The following ENTHD1 variants were observed in gnomAD, a reference collection of about 807,000 sequenced individuals.
The protein encoded by ENTHD1 is ENTH domain containing 1.
ENTHD1 carries 23 observed loss-of-function variants against 39.1 expected under a neutral mutation model. The observed-to-expected ratio is 0.59, with a 90% CI of 0.42 to 0.83. The LOEUF (loss-of-function observed/expected upper bound fraction) is 0.83. ENTHD1 is among the 40% of genes least tolerant of loss of function. ENTHD1 has a pLI of 0.00. For missense variants in ENTHD1, 624 were observed against 705.4 expected, an observed-to-expected ratio of 0.88 and a Z score of 1.31; for synonymous variants, 230 against 258.2, an observed-to-expected ratio of 0.89 and a Z score of 1.05.
chr22:39,812,900 A>G (rs1425417787), intron 5 of ENTHD1, among the ~76,000 whole-genome samples: 1 of 152,146 alleles, frequency 6.6e-6, no homozygotes, highest in Non-Finnish European at 1.5e-5. Context: ...CTCCCACCTC[A>G]GTCTCCCGAG....
At chr22:39,863,294 T>C (rs932577446) in intron 2 of ENTHD1, among the ~76,000 whole-genome samples, 22 of 152,036 alleles carry the variant, frequency 1.4e-4, no homozygotes, top group Admixed American at 1.0e-3. Flanking sequence ...ACAGTTGGGG[T>C]GGGACAAGAA....
At chr22:39,864,184 A>G (rs1483571004) in intron 2 of ENTHD1, among the ~76,000 whole-genome samples, 1 of 152,204 alleles carries the variant, frequency 6.6e-6, no homozygotes, top group African/African-American at 2.4e-5. Flanking sequence ...GGAGGCACAA[A>G]GAACATGTTT....
intron 6 of ENTHD1, among the ~76,000 whole-genome samples, chr22:39,748,769 A>C (rs2065126815): frequency 6.6e-6 from 1 of 152,124 alleles, no homozygotes; most frequent in South Asian, 2.1e-4. Context: ...GGTTAGTCAC[A>C]TATATATGCT....
intron 6 of ENTHD1, among the ~76,000 whole-genome samples, chr22:39,747,860 C>T (rs1247369362): frequency 6.6e-6 from 1 of 152,038 alleles, no homozygotes; most frequent in Non-Finnish European, 1.5e-5. Context: ...GTGAGTGATG[C>T]TCAGAGCTCA....
At chr22:39,837,086 C>A (rs2065912415) in intron 3 of ENTHD1, among the ~76,000 whole-genome samples, 1 of 152,150 alleles carries the variant, frequency 6.6e-6, no homozygotes, top group African/African-American at 2.4e-5. Context: ...TAGTCCTAAT[C>A]TTTCCCTTGC....
intron 4 of ENTHD1, among the ~76,000 whole-genome samples, chr22:39,834,068 G>A (rs2065890912): frequency 6.6e-6 from 1 of 151,904 alleles, no homozygotes; most frequent in Non-Finnish European, 1.5e-5. Flanking sequence ...GAAAACCTGT[G>A]TGACATTGTT....
At chr22:39,787,515 T>C (rs901898241) in intron 5 of ENTHD1, among the ~76,000 whole-genome samples, 21 of 152,150 alleles carry the variant, frequency 1.4e-4, no homozygotes, top group African/African-American at 4.8e-4. Flanking sequence ...CCCGAAGGAA[T>C]TAAAAGTGCT....
At chr22:39,821,261 G>T in intron 4 of ENTHD1, 148 bp from the exon 5 acceptor site, 1 of 1,054,456 alleles carries the variant, frequency 9.5e-7, no homozygotes, top group Non-Finnish European at 1.3e-6. Flanking sequence ...TCTATCACTT[G>T]GCTGTCTACT....
At chr22:39,757,694 A>T (rs969406426) in intron 6 of ENTHD1, among the ~76,000 whole-genome samples, 2 of 151,946 alleles carry the variant, frequency 1.3e-5, no homozygotes, top group Non-Finnish European at 2.9e-5. Context: ...AAAATTTAAA[A>T]ATTTTAAAAT....
chr22:39,758,451 G>A (rs1343887948), intron 6 of ENTHD1, among the ~76,000 whole-genome samples: 2 of 152,160 alleles, frequency 1.3e-5, no homozygotes, highest in African/African-American at 2.4e-5. Context: ...GGAGATGGGT[G>A]TCTTGCTCTG....
intron 1 of ENTHD1, chr22:39,893,192 C>T (rs2066441743): frequency 6.6e-6 from 1 of 152,184 alleles, no homozygotes; most frequent in South Asian, 2.1e-4. Context: ...TTAACAACTT[C>T]TCTAAGTCTC....
intron 5 of ENTHD1, among the ~76,000 whole-genome samples, chr22:39,810,444 C>T (rs909185881): frequency 1.3e-5 from 2 of 152,154 alleles, no homozygotes; most frequent in African/African-American, 4.8e-5. Context: ...GCTTAGTAAC[C>T]TGCAAAATTC....
rs372938088 is a variant in ENTHD1 at position 39,788,760 on chromosome 22, G to GC, written c.833-23152dup. Among the ~76,000 whole-genome samples, 309 of 152,016 alleles carry GC rather than the reference G, an allele frequency of 2.0e-3. 2 individuals carry two copies. The highest frequency in any genetic ancestry group is 7.0e-3 in the African/African-American group (291 of 41,446). ...CATCTCATTTTTTTTAATTGCTGCAGCCCCCACCCCCAACCTTCAGTAGCC... is the reference window on the plus strand; with the variant it reads ...CATCTCATTTTTTTTAATTGCTGCAGCCCCCCACCCCCAACCTTCAGTAGCC... On this transcript the variant is annotated intron_variant, in intron 5 of 6. Transcript: ENST00000325157.
chr22:39,822,151 A>G (rs1172119994), intron 4 of ENTHD1, among the ~76,000 whole-genome samples: 2 of 152,048 alleles, frequency 1.3e-5, no homozygotes, highest in Non-Finnish European at 2.9e-5. Flanking sequence ...TTGTTTGAAA[A>G]GGATCCAAAT....
intron 4 of ENTHD1, among the ~76,000 whole-genome samples, chr22:39,827,251 G>A (rs1307160390): frequency 6.6e-6 from 1 of 152,006 alleles, no homozygotes; most frequent in East Asian, 1.9e-4. Flanking sequence ...TTCTGACCTC[G>A]TGATCCACCC....
intron 5 of ENTHD1, among the ~76,000 whole-genome samples, chr22:39,774,309 A>T (rs912940772): frequency 6.6e-6 from 1 of 152,016 alleles, no homozygotes; most frequent in Admixed American, 6.6e-5. Flanking sequence ...GGATGATGTC[A>T]TCTATTATTA....
intron 3 of ENTHD1, among the ~76,000 whole-genome samples, chr22:39,846,795 G>A (rs2065992569): frequency 6.6e-6 from 1 of 152,126 alleles, no homozygotes; most frequent in African/African-American, 2.4e-5. Context: ...ATGAAAAAAT[G>A]CTCATCATCA....
chr22:39,873,653 C>A (rs542959878), intron 2 of ENTHD1, among the ~76,000 whole-genome samples: 12 of 152,188 alleles, frequency 7.9e-5, no homozygotes, highest in Admixed American at 2.6e-4. Context: ...TCATAAGATG[C>A]TTTAAGGAGA....
chr22:39,843,003 CT>C (rs2065957048), intron 3 of ENTHD1, among the ~76,000 whole-genome samples: 2 of 151,244 alleles, frequency 1.3e-5, no homozygotes, highest in South Asian at 4.2e-4. Context: ...CACTTTTACA[CT>C]GTTGGTGGGA....
Sources: gnomAD v4.1 joint callset for allele counts (sites outside exome capture counted in the v4.1 genomes callset) on GRCh38, gnomAD v4.1.1 for gene constraint, MANE v1.5 for transcripts, NCBI Gene and HGNC (gene_info 2026-07-23, HGNC 2026-07-21) for gene names.